The following CPQ variants were observed in gnomAD, a reference collection of about 807,000 sequenced individuals.
The protein encoded by CPQ is Ser-Met dipeptidase.
In CPQ, 37 loss-of-function variants were observed where a neutral mutation model predicts 45.7. The observed-to-expected ratio is 0.81, with a 90% CI of 0.62 to 1.07. The LOEUF (loss-of-function observed/expected upper bound fraction) is 1.07, where lower values mean the gene tolerates loss of function less well. Ranked by LOEUF, CPQ falls within the 50% of genes least tolerant of loss-of-function variation. The pLI, the probability that CPQ is intolerant of heterozygous loss-of-function variation, is 0.00. For missense variants in CPQ, 537 were observed against 572.9 expected (o/e 0.94, Z 0.64); for synonymous variants, 186 against 205.8 (o/e 0.90, Z 0.82).
At chr8:96,837,151 C>T (rs1811541082) in intron 3 of CPQ, among the ~76,000 whole-genome samples, 1 of 152,098 alleles carries the variant, frequency 6.6e-6, no homozygotes, top group Non-Finnish European at 1.5e-5. Context: ...GACATATTAA[C>T]ATGTTTAAGT....
chr8:96,808,484 T>G (rs1303495342), intron 2 of CPQ, among the ~76,000 whole-genome samples: 1 of 152,150 alleles, frequency 6.6e-6, no homozygotes, highest in Non-Finnish European at 1.5e-5. Context: ...GATATTGTTT[T>G]CTCTTCCTGT....
chr8:96,996,304 GA>G (rs1809177540), intron 5 of CPQ, among the ~76,000 whole-genome samples: 1 of 151,974 alleles, frequency 6.6e-6, no homozygotes, highest in South Asian at 2.1e-4. Context: ...TGAAGGAAAG[GA>G]AAGGGTCAAC....
At chr8:96,676,297 T>G (rs1322100519) in intron 1 of CPQ, among the ~76,000 whole-genome samples, 2 of 152,062 alleles carry the variant, frequency 1.3e-5, no homozygotes, top group East Asian at 1.9e-4. Context: ...GTAACCATCA[T>G]TCTACTCTCT....
intron 4 of CPQ, among the ~76,000 whole-genome samples, chr8:96,909,920 G>C (rs1238550295): frequency 3.3e-5 from 5 of 152,172 alleles, no homozygotes; most frequent in Non-Finnish European, 5.9e-5. Flanking sequence ...AAATCACCTT[G>C]ATCAAAGCTG....
intron 5 of CPQ, 47 bp downstream of exon 5, chr8:96,966,093 C>T: frequency 1.0e-5 from 14 of 1,354,914 alleles, no homozygotes; most frequent in Non-Finnish European, 1.5e-5. Context: ...ATCTCAGTGA[C>T]ATGTTTAACT....
intron 5 of CPQ, among the ~76,000 whole-genome samples, chr8:97,027,085 C>T (rs935910777): frequency 6.6e-6 from 1 of 152,144 alleles, no homozygotes; most frequent in African/African-American, 2.4e-5. Context: ...AGCCTATAAA[C>T]AATAATAGTA....
rs146975958 is a variant in CPQ at position 96,952,007 on chromosome 8, C to T, written c.850-13928C>T. Among the ~76,000 whole-genome samples, 10 of 152,068 alleles carry T rather than the reference C, an allele frequency of 6.6e-5. No individual in the cohort carries two copies. The East Asian group carries it at 1.4e-3, about 21-fold the overall frequency. Reference sequence around the variant, plus strand: ...ACAACACACTTTTTAAGGGTAGGTTCGTATTATCATTCCCACTTTACAGAG... The same window carrying T: ...ACAACACACTTTTTAAGGGTAGGTTTGTATTATCATTCCCACTTTACAGAG... On this transcript the variant is annotated intron_variant, in intron 4 of 7. Transcript: ENST00000220763.
intron 6 of CPQ, among the ~76,000 whole-genome samples, chr8:97,049,343 C>T (rs148910260): frequency 6.6e-6 from 1 of 152,126 alleles, no homozygotes; most frequent in Non-Finnish European, 1.5e-5. Context: ...AGAAGGAGAC[C>T]CAAAGGATGT....
intron 3 of CPQ, among the ~76,000 whole-genome samples, chr8:96,866,307 A>T (rs1811994791): frequency 6.6e-6 from 1 of 152,058 alleles, no homozygotes; most frequent in Non-Finnish European, 1.5e-5. Context: ...TTTATTTTTC[A>T]TAAAAGCAGG....
intron 4 of CPQ, among the ~76,000 whole-genome samples, chr8:96,912,923 A>T (rs1812686778): frequency 6.6e-6 from 1 of 152,204 alleles, no homozygotes; most frequent in Non-Finnish European, 1.5e-5. Context: ...TCTGCAAGCC[A>T]TGCCACATGC....
At chr8:96,882,167 T>C (rs995429357) in intron 4 of CPQ, among the ~76,000 whole-genome samples, 10 of 152,172 alleles carry the variant, frequency 6.6e-5, no homozygotes, top group Admixed American at 6.5e-4. Context: ...CTCAGGACTC[T>C]TTTCCCTCTT....
intron 4 of CPQ, among the ~76,000 whole-genome samples, chr8:96,902,687 G>A (rs148577620): frequency 6.6e-4 from 101 of 152,302 alleles, no homozygotes; most frequent in African/African-American, 2.4e-3. Flanking sequence ...CCAACTTGGA[G>A]TTTCTGGCTC....
intron 5 of CPQ, among the ~76,000 whole-genome samples, chr8:97,026,091 A>T (rs1809795169): frequency 1.3e-5 from 2 of 152,316 alleles, no homozygotes; most frequent in Middle Eastern, 3.4e-3. Context: ...GTATAAACAA[A>T]GGTGTTCTGG....
At chr8:96,656,294 G>A (rs1318784599) in intron 1 of CPQ, among the ~76,000 whole-genome samples, 1 of 152,172 alleles carries the variant, frequency 6.6e-6, no homozygotes, top group East Asian at 1.9e-4. Flanking sequence ...GCTGGGTGCT[G>A]CCTTTGCTCT....
chr8:96,878,751 T>A (rs1197141957), intron 3 of CPQ, among the ~76,000 whole-genome samples: 1 of 152,206 alleles, frequency 6.6e-6, no homozygotes, highest in Non-Finnish European at 1.5e-5. Context: ...CACCAAGCTA[T>A]CATCTGTTGG....
At chr8:97,101,092 C>G (rs567843636) in intron 7 of CPQ, among the ~76,000 whole-genome samples, 7 of 152,184 alleles carry the variant, frequency 4.6e-5, no homozygotes, top group Middle Eastern at 3.4e-3. Flanking sequence ...TTAGAGAAAG[C>G]TTTAGTGTTG....
intron 4 of CPQ, among the ~76,000 whole-genome samples, chr8:96,903,975 T>C (rs1812544990): frequency 6.6e-6 from 1 of 152,182 alleles, no homozygotes. Flanking sequence ...ACACTGTTGA[T>C]ACTTCTCAAG....
chr8:97,025,350 G>C (rs1809779790), intron 5 of CPQ, among the ~76,000 whole-genome samples: 1 of 152,174 alleles, frequency 6.6e-6, no homozygotes, highest in Non-Finnish European at 1.5e-5. Flanking sequence ...ATTATTGGAA[G>C]TTTATGTTGC....
intron 1 of CPQ, among the ~76,000 whole-genome samples, chr8:96,757,932 G>A (rs1810348414): frequency 6.6e-6 from 1 of 151,826 alleles, no homozygotes; most frequent in Admixed American, 6.6e-5. Flanking sequence ...TGCTTCACTT[G>A]CCGTTCACAC....
Sources: allele counts gnomAD v4.1 joint callset (sites outside exome capture counted in the v4.1 genomes callset), GRCh38; gene constraint gnomAD v4.1.1; transcripts MANE v1.5; gene names NCBI Gene and HGNC (gene_info 2026-07-23, HGNC 2026-07-21).